The following NAV2 variants were observed in gnomAD, a reference collection of about 807,000 sequenced individuals.
NAV2 encodes helicase, APC down-regulated 1.
A neutral mutation model predicts 223.2 loss-of-function variants in NAV2; 54 were observed. That is an observed-to-expected ratio of 0.24 (90% confidence interval 0.19 to 0.30). NAV2 has a LOEUF of 0.30. Among genes scored for constraint, NAV2 ranks in the 10% least tolerant of loss-of-function variants. NAV2 has a pLI of 1.00. For synonymous variants in NAV2, 1,279 were observed against 1,239.3 expected, an observed-to-expected ratio of 1.03 and a Z score of -0.67; for missense variants, 2,806 against 3,147.5, an observed-to-expected ratio of 0.89 and a Z score of 2.60.
chr11:19,713,984 G>A lies in NAV2; in HGVS notation c.267+22G>A, dbSNP rs186680409. 7 of 1,611,934 alleles carry A rather than the reference G, an allele frequency of 4.3e-6. No homozygotes were observed. Among genetic ancestry groups the A allele is most frequent in the African/African-American group, 4.0e-5 (3 of 75,000 alleles). On this transcript the variant is annotated intron_variant, in intron 1 of 37. Transcript: ENST00000349880. This position sits in a 1 kb window ranked among gnomAD's most constrained non-coding sequence, Gnocchi z 7.2. ...CCAGGTGAGAGATGCCGTTTGCCGG[G>A]GTACTGTTCTGGAAGGATGGATGAA...
chr11:19,365,647 T>C (rs1848252315), intron 1 of NAV2, among the ~76,000 whole-genome samples: 1 of 152,200 alleles, frequency 6.6e-6, no homozygotes, highest in African/African-American at 2.4e-5. Context: ...TCTAAGATGC[T>C]AGAGGGTGGA....
At chr11:20,022,640 A>G (rs1185594917) in intron 11 of NAV2, 2 of 989,754 alleles carry the variant, frequency 2.0e-6, no homozygotes, top group African/African-American at 3.5e-5. Flanking sequence ...GCATCATTAA[A>G]AGTAGCACTT....
At chr11:19,827,349 C>T (rs569176963) in intron 1 of NAV2, among the ~76,000 whole-genome samples, 2 of 152,242 alleles carry the variant, frequency 1.3e-5, no homozygotes, top group South Asian at 4.2e-4. Flanking sequence ...ACGAAAGCAA[C>T]CAGAGACCAT....
intron 1 of NAV2, among the ~76,000 whole-genome samples, chr11:19,696,302 T>C (rs181461187): frequency 1.3e-4 from 20 of 152,354 alleles, no homozygotes; most frequent in Non-Finnish European, 2.1e-4. Flanking sequence ...ATTCAGGAAG[T>C]GCATTTGTCC....
chr11:19,911,524 A>C (rs1458219596), intron 6 of NAV2, among the ~76,000 whole-genome samples: 1 of 152,190 alleles, frequency 6.6e-6, no homozygotes, highest in Non-Finnish European at 1.5e-5. Flanking sequence ...TTGTGAGGGC[A>C]GGGAGCATGC....
chr11:19,906,909 G>A (rs943555549), intron 6 of NAV2, among the ~76,000 whole-genome samples: 22 of 152,162 alleles, frequency 1.4e-4, no homozygotes, highest in African/African-American at 5.1e-4. Context: ...ACACCAACTG[G>A]CAAAAGTTGT....
intron 1 of NAV2, among the ~76,000 whole-genome samples, chr11:19,544,152 T>C (rs765655067): frequency 6.6e-6 from 1 of 152,236 alleles, no homozygotes; most frequent in Admixed American, 6.5e-5. Context: ...AGTGTATGAA[T>C]GAATATTTCT....
At chr11:19,463,471 T>C (rs1852236669) in intron 1 of NAV2, among the ~76,000 whole-genome samples, 2 of 152,232 alleles carry the variant, frequency 1.3e-5, no homozygotes, top group Non-Finnish European at 2.9e-5. Context: ...CATACAGCCA[T>C]TCAGACAGCA....
chr11:19,629,637 G>C (rs2047289305), intron 1 of NAV2, among the ~76,000 whole-genome samples: 1 of 150,902 alleles, frequency 6.6e-6, no homozygotes, highest in Admixed American at 6.6e-5. Context: ...TCCCATCTTT[G>C]GACAGTTGCT....
At chr11:19,744,784 T>A (rs1346791924) in intron 1 of NAV2, among the ~76,000 whole-genome samples, 1 of 152,210 alleles carries the variant, frequency 6.6e-6, no homozygotes, top group East Asian at 1.9e-4. Flanking sequence ...TACAGAGGTC[T>A]TCTTTCATGC....
At chr11:19,914,228 A>G (rs1480365452) in intron 6 of NAV2, among the ~76,000 whole-genome samples, 6 of 152,220 alleles carry the variant, frequency 3.9e-5, no homozygotes, top group Admixed American at 3.3e-4. Context: ...TGGAAGACCC[A>G]GTGTCCTTTT....
At chr11:19,548,871 C>T (rs1199829978) in intron 1 of NAV2, among the ~76,000 whole-genome samples, 2 of 92,654 alleles carry the variant, frequency 2.2e-5, no homozygotes, top group African/African-American at 3.9e-5. Flanking sequence ...CATCAGGCTC[C>T]GTCTCAAAAA....
At chr11:19,749,202 A>C (rs1417579367) in intron 1 of NAV2, among the ~76,000 whole-genome samples, 2 of 152,184 alleles carry the variant, frequency 1.3e-5, no homozygotes, top group East Asian at 3.8e-4. Context: ...GTTTATAGAC[A>C]GTTAATGTGG....
chr11:19,924,129 A>G (rs1407940286), intron 6 of NAV2, among the ~76,000 whole-genome samples: 1 of 152,154 alleles, frequency 6.6e-6, no homozygotes, highest in Admixed American at 6.5e-5. Context: ...TTAAGGTGTT[A>G]TCATAGGGTC....
intron 1 of NAV2, among the ~76,000 whole-genome samples, chr11:19,681,360 T>C (rs970214673): frequency 1.3e-5 from 2 of 152,220 alleles, no homozygotes; most frequent in African/African-American, 4.8e-5. Flanking sequence ...ATTTTATATA[T>C]AGGGAAGTTG....
intron 1 of NAV2, among the ~76,000 whole-genome samples, chr11:19,594,990 C>A (rs1330448656): frequency 1.3e-5 from 2 of 152,044 alleles, no homozygotes; most frequent in African/African-American, 4.8e-5. Flanking sequence ...AGATTAGACA[C>A]CAAGACAAGG....
intron 11 of NAV2, among the ~76,000 whole-genome samples, chr11:19,997,297 G>A (rs2051999859): frequency 6.6e-6 from 1 of 152,158 alleles, no homozygotes. Context: ...ATGTTGGTGG[G>A]CCTCCAGGGC....
rs895057271 is a variant in NAV2, at chr11:19,369,473, T to C, written c.75+18446T>C. Among the ~76,000 whole-genome samples the C allele has an allele frequency of 2.6e-5, 4 of 152,330 alleles. No homozygotes were observed. In the South Asian group the frequency reaches 6.2e-4, roughly 24 times the overall value. On this transcript the variant is annotated intron_variant, in intron 1 of 37. Transcript: ENST00000360655. ...CATAGTTATCACTTAATGTGATTTC[T>C]TTTTAAAAAGAAATCTTTAACCAGG...
At chr11:20,050,653 C>G (rs1051042223) in intron 16 of NAV2, among the ~76,000 whole-genome samples, 2 of 152,030 alleles carry the variant, frequency 1.3e-5, no homozygotes, top group Non-Finnish European at 2.9e-5. Context: ...GCCTTTAAAC[C>G]GTTGGTCTTT....
Sources: gnomAD v4.1 joint callset for allele counts (sites outside exome capture counted in the v4.1 genomes callset) on GRCh38, gnomAD v4.1.1 for gene constraint, Gnocchi (gnomAD v3.1) non-coding constraint, MANE v1.5 for transcripts, NCBI Gene and HGNC (gene_info 2026-07-23, HGNC 2026-07-21) for gene names.